The following STK3 variants were observed in gnomAD, a reference collection of about 807,000 sequenced individuals.
STK3 encodes serine/threonine kinase 3.
STK3 carries 41 observed loss-of-function variants against 58.0 expected under a neutral mutation model. That is an observed-to-expected ratio of 0.71 (90% confidence interval 0.55 to 0.92). The LOEUF (loss-of-function observed/expected upper bound fraction) is 0.92. Ranked by LOEUF, STK3 falls within the 40% of genes least tolerant of loss-of-function variation. The pLI, the probability that STK3 is intolerant of heterozygous loss-of-function variation, is 0.00. For synonymous variants in STK3, 170 were observed against 191.0 expected, an observed-to-expected ratio of 0.89 and a Z score of 0.91; for missense variants, 479 against 602.7, an observed-to-expected ratio of 0.79 and a Z score of 2.15.
At chr8:98,749,101 T>C (rs753602082) in intron 4 of STK3, among the ~76,000 whole-genome samples, 175 bp downstream of exon 4, 18 of 151,962 alleles carry the variant, frequency 1.2e-4, no homozygotes, top group Non-Finnish European at 2.2e-4. Flanking sequence ...TTCCTAAATT[T>C]GTTACAGAAA....
chr8:98,389,893 C>T (rs1234229385), upstream of STK3, among the ~76,000 whole-genome samples: 8 of 151,900 alleles, frequency 5.3e-5, no homozygotes, highest in Non-Finnish European at 1.0e-4. Context: ...GACAGCTAAA[C>T]TATGAAGTGT....
chr8:98,757,387 A>G (rs1363550208), intron 3 of STK3, among the ~76,000 whole-genome samples: 9 of 150,504 alleles, frequency 6.0e-5, no homozygotes, highest in Non-Finnish European at 5.9e-5. Flanking sequence ...CCAGGTCAGG[A>G]GTTCGAGACC....
rs187009223 is a variant in STK3, at chr8:98,897,517, C to A, written c.-78-13683G>T. Among the ~76,000 whole-genome samples, 1,005 of 152,220 alleles carry A rather than the reference C, an allele frequency of 6.6e-3. 12 individuals are homozygous for A. The highest frequency in any genetic ancestry group is 0.023 in the African/African-American group (952 of 41,534). On this transcript the variant is annotated intron_variant, in intron 1 of 1. Coordinates refer to the STK3 transcript ENST00000519420. ...GGCTGAGGCAGGAGAATGGCGTGAA[C>A]CCGGGAGGCGGAGCTTGCAGTGAGC...
chr8:98,625,513 T>C (rs1563820131), intron 6 of STK3, among the ~76,000 whole-genome samples: 1 of 152,110 alleles, frequency 6.6e-6, no homozygotes, highest in Non-Finnish European at 1.5e-5. Context: ...ATGTTTCTCT[T>C]TGACCTTTCT....
At chr8:98,417,595 T>C (rs566851493) in intron 3 of STK3, among the ~76,000 whole-genome samples, 1 of 152,304 alleles carries the variant, frequency 6.6e-6, no homozygotes, top group South Asian at 2.1e-4. Flanking sequence ...GCTCTATCAT[T>C]GGTGAGTTCT....
At position 98,633,222 on chromosome 8, in the gene STK3, G is replaced by A. The variant is rs1280487706; in HGVS notation, c.685-37053C>T. 1.8e-4 allele frequency among the ~76,000 whole-genome samples: 27 copies of A among 151,998 alleles called. 1 individual carries two copies. The highest frequency in any genetic ancestry group is 1.8e-3 in the Admixed American group (27 of 15,244). ...AAAGTAACACTTAGAAGAAGGCAGA[G>A]GTAAACCTAACACTACCTACAAATG... On this transcript the variant is annotated intron_variant, in intron 6 of 10. Coordinates refer to ENST00000419617, the MANE Select transcript of STK3 (RefSeq NM_006281.4).
At chr8:98,586,492 G>C (rs1200917497) in intron 7 of STK3, among the ~76,000 whole-genome samples, 1 of 149,086 alleles carries the variant, frequency 6.7e-6, no homozygotes, top group Non-Finnish European at 1.5e-5. Context: ...TGCTGGATTC[G>C]GTTTGCCAGT....
chr8:98,896,373 T>C (rs1318979877), intron 1 of STK3, among the ~76,000 whole-genome samples: 1 of 152,194 alleles, frequency 6.6e-6, no homozygotes, highest in Non-Finnish European at 1.5e-5. Flanking sequence ...AGTCACAATG[T>C]ATTAAATAGA....
intron 4 of STK3, among the ~76,000 whole-genome samples, chr8:98,738,415 G>C (rs768074568): frequency 6.6e-6 from 1 of 152,152 alleles, no homozygotes; most frequent in African/African-American, 2.4e-5. Flanking sequence ...GGAAGTTGCA[G>C]TGAGCCAAGA....
chr8:98,479,489 G>GGGA (rs1821662041), intron 10 of STK3, among the ~76,000 whole-genome samples: 2 of 19,624 alleles, frequency 1.0e-4, no homozygotes, highest in African/African-American at 3.0e-4. Flanking sequence ...TCCGTCTCGG[G>GGGA]GGGGGGGGGG....
At chr8:98,507,767 A>G (rs1824205526) in intron 10 of STK3, among the ~76,000 whole-genome samples, 1 of 152,134 alleles carries the variant, frequency 6.6e-6, no homozygotes, top group South Asian at 2.1e-4. Context: ...GGAAGCTTCC[A>G]CTTCAGAGTC....
Position 98,428,455 on chromosome 8 carries a change from C to G in STK3, n.483+5672G>C, listed in dbSNP as rs749919384. The G allele has an allele frequency of 6.8e-6, 11 of 1,614,156 alleles. No homozygotes were observed. Among genetic ancestry groups the G allele is most frequent in the Non-Finnish European group, 9.3e-6 (11 of 1,180,042 alleles). ...ATCCTTGCCTTCTACAACGACGCCT[C>G]CAAGTTCGATGGGCAGCCCCTCGGC... On this transcript the variant is annotated intron_variant and non_coding_transcript_variant, in intron 3 of 3. Transcript: ENST00000517832. This position sits in a 1 kb window ranked among gnomAD's most constrained non-coding sequence, Gnocchi z 6.7.
chr8:98,380,922 G>GTT (rs1270820248), intron 1 of STK3, among the ~76,000 whole-genome samples: 1 of 106,424 alleles, frequency 9.4e-6, no homozygotes, highest in Non-Finnish European at 2.0e-5. Context: ...CCCTCAGGTT[G>GTT]TTGTGTTTAT....
chr8:98,793,317 A>C (rs1411040521), intron 1 of STK3, among the ~76,000 whole-genome samples: 4 of 152,132 alleles, frequency 2.6e-5, no homozygotes. Context: ...GTTCCCCAAT[A>C]ACTTATGGAA....
chr8:98,431,349 C>G (rs865897357), intron 3 of STK3: 1 of 167,082 alleles, frequency 6.0e-6, no homozygotes, highest in Non-Finnish European at 1.5e-5. Context: ...TGTCTACATC[C>G]GTGTCTCTGA....
chr8:98,755,212 C>T (rs1830217183), intron 3 of STK3, among the ~76,000 whole-genome samples: 1 of 152,246 alleles, frequency 6.6e-6, no homozygotes, highest in Admixed American at 6.5e-5. Context: ...CAGCCACATG[C>T]ATTCACTGAC....
At chr8:98,738,154 A>T (rs1392049272) in intron 4 of STK3, among the ~76,000 whole-genome samples, 1 of 152,232 alleles carries the variant, frequency 6.6e-6, no homozygotes, top group Non-Finnish European at 1.5e-5. Context: ...ACCCAGCAAG[A>T]CTTTTTGTGG....
intron 1 of STK3, among the ~76,000 whole-genome samples, chr8:98,911,676 C>A (rs181836578): frequency 2.0e-5 from 3 of 152,186 alleles, no homozygotes; most frequent in East Asian, 3.9e-4. Flanking sequence ...TTAGCATGAG[C>A]CACCATGTCC....
At position 98,719,133 on chromosome 8, in the gene STK3, C is replaced by T. The variant is rs1827228311; in HGVS notation, c.352-11822G>A. Among the ~76,000 whole-genome samples, 5 of 152,212 alleles carry T rather than the reference C, an allele frequency of 3.3e-5. No individual in the cohort carries two copies. The South Asian group carries it at 1.0e-3, about 32-fold the overall frequency. ...GAGGTAGGAGTGTGTTTAGGGCCACCATAATGGACCACTACAGACGGTGGG... is the reference window on the plus strand; with the variant it reads ...GAGGTAGGAGTGTGTTTAGGGCCACTATAATGGACCACTACAGACGGTGGG... On this transcript the variant is annotated intron_variant, in intron 4 of 10. Coordinates refer to ENST00000419617, the MANE Select transcript of STK3 (RefSeq NM_006281.4).
Sources: gnomAD v4.1 joint callset for allele counts (sites outside exome capture counted in the v4.1 genomes callset) on GRCh38, gnomAD v4.1.1 for gene constraint, Gnocchi (gnomAD v3.1) non-coding constraint, MANE v1.5 for transcripts, NCBI Gene and HGNC (gene_info 2026-07-23, HGNC 2026-07-21) for gene names.